The following GPC6 variants were observed in gnomAD, a reference collection of about 807,000 sequenced individuals.
The protein encoded by GPC6 is glypican-6.
In GPC6, 14 loss-of-function variants were observed where a neutral mutation model predicts 55.2. The observed-to-expected ratio is 0.25, with a 90% CI of 0.17 to 0.40. GPC6 has a LOEUF of 0.40. Among genes scored for constraint, GPC6 ranks in the 10% least tolerant of loss-of-function variants. The pLI is 1.00. For missense variants in GPC6, 641 were observed against 708.5 expected, an observed-to-expected ratio of 0.90 and a Z score of 1.08; for synonymous variants, 278 against 259.6, an observed-to-expected ratio of 1.07 and a Z score of -0.68.
chr13:93,959,639 G>C (rs1879676751), intron 3 of GPC6, among the ~76,000 whole-genome samples: 1 of 152,020 alleles, frequency 6.6e-6, no homozygotes, highest in Admixed American at 6.6e-5. Context: ...TCTATCTCTA[G>C]ACCCTCTTAG....
intron 6 of GPC6, among the ~76,000 whole-genome samples, chr13:94,316,443 C>A (rs1484461246): frequency 1.3e-5 from 2 of 152,160 alleles, no homozygotes; most frequent in Non-Finnish European, 2.9e-5. Flanking sequence ...ATGGGCCGGG[C>A]GCGGTGGCTC....
rs544951617 is a variant in GPC6, at chr13:93,952,282, T to C, written c.712-75447T>C. Among the ~76,000 whole-genome samples, 26 of 152,266 alleles carry C rather than the reference T, an allele frequency of 1.7e-4. No individual in the cohort carries two copies. The South Asian group carries it at 3.3e-3, about 19-fold the overall frequency. ...GCTTTTATACCCATTTTCAAGATGA[T>C]AATCAAAATTAACCAAAAATCTCAA... On this transcript the variant is annotated intron_variant, in intron 3 of 8. Coordinates refer to ENST00000377047, the MANE Select transcript of GPC6 (RefSeq NM_005708.5).
intron 6 of GPC6, among the ~76,000 whole-genome samples, chr13:94,370,389 T>G (rs906839353): frequency 2.0e-5 from 3 of 152,196 alleles, no homozygotes; most frequent in African/African-American, 7.2e-5. Context: ...TAATGTTTGT[T>G]CCTTGTCTGT....
At chr13:94,034,200 AGAAGGAAGGAAGGAAGGAAG>A (rs575821539) in intron 4 of GPC6, among the ~76,000 whole-genome samples, 3 of 72,622 alleles carry the variant, frequency 4.1e-5, no homozygotes, top group Non-Finnish European at 7.8e-5. Flanking sequence ...AAAGAAAGAA[AGAAGGAAGGAAGGAAGGAAG>A]GAAGGAAGGA....
chr13:93,400,624 C>T (rs1053682931), intron 1 of GPC6, among the ~76,000 whole-genome samples: 8 of 152,012 alleles, frequency 5.3e-5, no homozygotes, highest in East Asian at 1.9e-4. Context: ...GTAACACAAA[C>T]GAATAACACT....
chr13:94,091,890 A>T, intron 4 of GPC6, among the ~76,000 whole-genome samples: 1 of 108,392 alleles, frequency 9.2e-6, no homozygotes, highest in East Asian at 3.0e-4. Flanking sequence ...CTCGAGATCA[A>T]ATTCTGTGTG....
At chr13:93,937,779 A>G (rs1340966868) in intron 3 of GPC6, among the ~76,000 whole-genome samples, 4 of 151,962 alleles carry the variant, frequency 2.6e-5, no homozygotes, top group Admixed American at 2.6e-4. Flanking sequence ...GGGTTTCACC[A>G]TGTTGGCCAG....
intron 4 of GPC6, among the ~76,000 whole-genome samples, chr13:94,264,898 G>T (rs1451160158): frequency 6.6e-6 from 1 of 152,198 alleles, no homozygotes; most frequent in Non-Finnish European, 1.5e-5. Context: ...GAGAGAATGA[G>T]AACCTAGTGA....
At chr13:94,372,741 A>G (rs1879628577) in intron 6 of GPC6, among the ~76,000 whole-genome samples, 1 of 152,216 alleles carries the variant, frequency 6.6e-6, no homozygotes, top group Non-Finnish European at 1.5e-5. Context: ...CTGCCTCTGT[A>G]GGCTCCACCT....
At chr13:93,925,366 C>T (rs1433032557) in intron 3 of GPC6, among the ~76,000 whole-genome samples, 1 of 151,882 alleles carries the variant, frequency 6.6e-6, no homozygotes, top group East Asian at 1.9e-4. Context: ...TAAAAGTCTG[C>T]AACTACATAT....
chr13:93,550,484 G>A (rs1400181642), intron 2 of GPC6, among the ~76,000 whole-genome samples: 1 of 151,964 alleles, frequency 6.6e-6, no homozygotes, highest in Non-Finnish European at 1.5e-5. Flanking sequence ...TAAAAATATT[G>A]AACAGTAAGT....
chr13:93,273,806 T>A (rs1877632779), intron 1 of GPC6, among the ~76,000 whole-genome samples: 1 of 152,114 alleles, frequency 6.6e-6, no homozygotes, highest in Admixed American at 6.6e-5. Context: ...TTTTTATTTT[T>A]TTATTTTATT....
At chr13:93,734,847 A>C (rs1452810933) in intron 2 of GPC6, among the ~76,000 whole-genome samples, 1 of 152,192 alleles carries the variant, frequency 6.6e-6, no homozygotes, top group African/African-American at 2.4e-5. Context: ...ATTAATAACT[A>C]TTAATGATTA....
chr13:93,609,500 A>C (rs1013218027), intron 2 of GPC6, among the ~76,000 whole-genome samples: 1 of 152,226 alleles, frequency 6.6e-6, no homozygotes, highest in African/African-American at 2.4e-5. Flanking sequence ...GGCCTCTCAC[A>C]GTGCTGGGAT....
At chr13:93,390,603 A>G (rs1875588277) in intron 1 of GPC6, among the ~76,000 whole-genome samples, 1 of 152,120 alleles carries the variant, frequency 6.6e-6, no homozygotes, top group South Asian at 2.1e-4. Context: ...AAAGGCATTT[A>G]GTTTCCATTT....
chr13:94,049,903 C>G (rs1186531476), intron 4 of GPC6, among the ~76,000 whole-genome samples: 1 of 152,048 alleles, frequency 6.6e-6, no homozygotes, highest in Non-Finnish European at 1.5e-5. Flanking sequence ...GTACAGTTCC[C>G]CCATACTGTT....
At chr13:94,206,150 T>G (rs535126321) in intron 4 of GPC6, among the ~76,000 whole-genome samples, 1 of 152,212 alleles carries the variant, frequency 6.6e-6, no homozygotes, top group African/African-American at 2.4e-5. Flanking sequence ...GAAATTTATA[T>G]TTATAAAATA....
In GPC6 at chr13:93,279,369, C is replaced by T. The variant is rs17300052; in HGVS notation, c.160+51753C>T. ...TAGAAGACAGTAAGAAATGGTTTGT[C>T]GAGATATGTACATTGGGTTTGGAAA... On this transcript the variant is annotated intron_variant, in intron 1 of 8. Coordinates refer to ENST00000377047, the MANE Select transcript of GPC6 (RefSeq NM_005708.5). Among the ~76,000 whole-genome samples the T allele has an allele frequency of 6.2e-4, 95 of 152,236 alleles. 1 individual carries two copies. The East Asian group carries it at 0.017, about 27-fold the overall frequency.
intron 2 of GPC6, among the ~76,000 whole-genome samples, chr13:93,653,674 CAG>C (rs1297681972): frequency 6.6e-6 from 1 of 151,242 alleles, no homozygotes; most frequent in East Asian, 1.9e-4. Context: ...GAAATAGACT[CAG>C]GGAGATTAAG....
Sources: allele counts gnomAD v4.1 joint callset (sites outside exome capture counted in the v4.1 genomes callset), GRCh38; gene constraint gnomAD v4.1.1; transcripts MANE v1.5; gene names NCBI Gene and HGNC (gene_info 2026-07-23, HGNC 2026-07-21).